Variants in HERC2 observed in about 807,000 individuals in gnomAD.
HERC2 encodes the protein E3 ubiquitin-protein ligase HERC2.
HERC2 carries 102 observed loss-of-function variants against 537.7 expected under a neutral mutation model. That is an observed-to-expected ratio of 0.19 (90% CI 0.16 to 0.22). HERC2 has a LOEUF of 0.22. HERC2 is among the 10% of genes least tolerant of loss of function. The pLI is 1.00. For synonymous variants in HERC2, 2,224 were observed against 2,466.2 expected, an observed-to-expected ratio of 0.90 and a Z score of 2.91; for missense variants, 4,236 against 6,198.2, an observed-to-expected ratio of 0.68 and a Z score of 10.63.
At chr15:28,276,261 A>G (rs1280729383) in intron 5 of HERC2, among the ~76,000 whole-genome samples, 1 of 152,070 alleles carries the variant, frequency 6.6e-6, no homozygotes, top group African/African-American at 2.4e-5. Context: ...AATATGTAAT[A>G]AAAATGGCAA....
Position 28,113,585 on chromosome 15 carries a change from T to C in HERC2, c.14007A>G (p.Glu4669=). The C allele has an allele frequency of 6.2e-7, 1 of 1,613,986 alleles. No homozygotes were observed. The highest frequency in any genetic ancestry group is 8.5e-7 in the Non-Finnish European group (1 of 1,179,954). ...GGGGTCGGCATACCATCGTCTCCAG[T>C]TCGTAGCCGGTGAACAGAGAGAGGA... The part of the protein sequence containing the change: ...VPLLSLFTGY[E]LETMVCGSPD... The change falls in exon 91 of 93, where the codon GAA becomes GAG. Residue 4669 remains glutamate, a synonymous_variant. Transcript: ENST00000261609. This position sits in a 1 kb window ranked among gnomAD's most constrained non-coding sequence, Gnocchi z 7.0.
rs75108944 is a variant in HERC2 at position 28,127,318 on chromosome 15, C to A, written c.12803-2125G>T. On this transcript the variant is annotated intron_variant, in intron 83 of 92. Coordinates refer to ENST00000261609, the MANE Select transcript of HERC2 (RefSeq NM_004667.6). ...TAGCTCCGAGGGGAGTCAGCCAAGACCCCCACATGCAAGGGGAGGAGCCAC... is the reference window on the plus strand; with the variant it reads ...TAGCTCCGAGGGGAGTCAGCCAAGAACCCCACATGCAAGGGGAGGAGCCAC... Among the ~76,000 whole-genome samples, 33 of 152,298 alleles carry A rather than the reference C, an allele frequency of 2.2e-4. No individual in the cohort carries two copies. The East Asian group carries it at 5.0e-3, about 23-fold the overall frequency.
chr15:28,163,644 C>T (rs539507737), intron 68 of HERC2, among the ~76,000 whole-genome samples: 8 of 152,250 alleles, frequency 5.3e-5, no homozygotes, highest in Admixed American at 3.3e-4. Context: ...CCATAAGATA[C>T]GCTAGGGAAT....
rs1566964805 is a variant in HERC2 at position 28,168,450 on chromosome 15, A to G, written c.10370T>C (p.Ile3457Thr). The change falls in exon 67 of 93, where the codon ATC (isoleucine) becomes ACC (threonine). Residue 3457 changes from isoleucine to threonine, a missense_variant. Coordinates refer to ENST00000261609, the MANE Select transcript of HERC2 (RefSeq NM_004667.6). Reference protein sequence around the residue: ...NGEECMLAVDIEDRLSPNPWQ... With the variant: ...NGEECMLAVDTEDRLSPNPWQ... Reference sequence around the variant, plus strand: ...TGGATTTGGACTCAGTCTGTCTTCGATATCAACAGCCAGCATGCATTCTTC... The same window carrying G: ...TGGATTTGGACTCAGTCTGTCTTCGGTATCAACAGCCAGCATGCATTCTTC... 4 of 1,614,196 alleles carry G rather than the reference A, an allele frequency of 2.5e-6. No homozygotes were observed. Among genetic ancestry groups the G allele is most frequent in the South Asian group, 2.2e-5 (2 of 91,088 alleles).
chr15:28,135,759 A>G lies in HERC2; in HGVS notation c.12016-67T>C. The stretch of plus-strand genomic sequence containing the variant: ...CAATATCCCCTAAATTTACTAATTC[A>G]TAAACCTAATCCATGCTTTAGACAT... On this transcript the variant is annotated intron_variant, in intron 78 of 92. Coordinates refer to ENST00000261609, the MANE Select transcript of HERC2 (RefSeq NM_004667.6). The G allele has an allele frequency of 5.2e-6, 6 of 1,151,054 alleles. No individual in the cohort carries two copies. The South Asian group carries it at 7.9e-5, about 15-fold the overall frequency. The allele number at this position is 1,151,054 out of a possible 1,614,324, so 71.3% of individuals were successfully genotyped here.
rs1887918432 is a variant in HERC2 at position 28,113,790 on chromosome 15, A to C, written c.13914-112T>G. ...GGCCGCACACGTCCCAGCTGGGAGA[A>C]CAGAGGGAGCAGCTCCAGATGGCAT... On this transcript the variant is annotated intron_variant, in intron 90 of 92. Coordinates refer to ENST00000261609, the MANE Select transcript of HERC2 (RefSeq NM_004667.6). This position sits in a 1 kb window ranked among gnomAD's most constrained non-coding sequence, Gnocchi z 7.0. The C allele has an allele frequency of 9.7e-6, 8 of 820,878 alleles. No homozygotes were observed. Among genetic ancestry groups the C allele is most frequent in the Non-Finnish European group, 1.6e-5 (8 of 493,090 alleles). The allele number at this position is 820,878 out of a possible 1,614,324, so 50.8% of individuals were successfully genotyped here. A position where few individuals can be genotyped will look rare whatever the true frequency, so the allele number is the denominator to read the frequency against.
chr15:28,268,548 G>C lies in HERC2; in HGVS notation c.1515C>G (p.His505Gln). The change falls in exon 12 of 93, where the codon CAC (histidine) becomes CAG (glutamine). Residue 505 changes from histidine (H) to glutamine (Q), a missense_variant. By Grantham distance (24) the His-to-Gln change is conservative. Around this residue, in one of 27 missense-constraint regions of HERC2, gnomAD observed 754 missense variants for 1,085.0 expected, o/e 0.69. Coordinates refer to ENST00000261609, the MANE Select transcript of HERC2 (RefSeq NM_004667.6). The surrounding 1 kb of genome is among the most constrained non-coding windows in gnomAD (Gnocchi z 4.7). ...IVKIAAHSDG[H>Q]HYLALAATGE... ...CAGTAGCAGCCAAGGCTAGGTAGTG[G>C]TGACCATCAGAATGGGCAGCAATTT... The C allele has an allele frequency of 6.2e-7, 1 of 1,614,136 alleles. No individual in the cohort carries two copies. The highest frequency in any genetic ancestry group is 8.5e-7 in the Non-Finnish European group (1 of 1,179,962).
At chr15:28,124,393 T>C (rs937444149) in intron 84 of HERC2, among the ~76,000 whole-genome samples, 159 bp from the exon 85 acceptor site, 4 of 152,212 alleles carry the variant, frequency 2.6e-5, no homozygotes, top group Admixed American at 6.5e-5. Flanking sequence ...GCTTTTAAAA[T>C]AATATTCTGT....
chr15:28,225,222 C>T (rs1199672372), intron 35 of HERC2, among the ~76,000 whole-genome samples: 3 of 150,986 alleles, frequency 2.0e-5, no homozygotes, highest in South Asian at 2.1e-4. Context: ...CACTGTACTT[C>T]GGCCTGAAGG....
At chr15:28,293,132 G>A (rs1417168649) in intron 3 of HERC2, 110 bp from the exon 4 acceptor site, 1 of 871,162 alleles carries the variant, frequency 1.1e-6, no homozygotes, top group African/African-American at 1.7e-5. Flanking sequence ...TTAACTGAAT[G>A]TTGGACAACG....
intron 48 of HERC2, among the ~76,000 whole-genome samples, chr15:28,200,648 T>C (rs1897817011): frequency 6.6e-6 from 1 of 152,216 alleles, no homozygotes; most frequent in South Asian, 2.1e-4. Context: ...ACAATCTTGG[T>C]TGTATCCAAG....
chr15:28,177,354 T>A lies in HERC2; in HGVS notation c.9254+65A>T. On this transcript the variant is annotated intron_variant, in intron 60 of 92. Coordinates refer to ENST00000261609, the MANE Select transcript of HERC2 (RefSeq NM_004667.6). This position sits in a 1 kb window ranked among gnomAD's most constrained non-coding sequence, Gnocchi z 5.0. ...TCTATTCTAATTTTCTGCAAAATAA[T>A]TCTCAAGAGTATCAGTCAGAAACAG... 6.7e-7 allele frequency: 1 copy of A among 1,492,436 alleles called. No individual in the cohort carries two copies. Among genetic ancestry groups the A allele is most frequent in the Non-Finnish European group, 9.3e-7 (1 of 1,072,706 alleles). The allele number at this position is 1,492,436 out of a possible 1,614,324, so 92.4% of individuals were successfully genotyped here.
chr15:28,147,163 T>G (rs1224721625), intron 70 of HERC2, among the ~76,000 whole-genome samples: 1 of 151,136 alleles, frequency 6.6e-6, no homozygotes, highest in Non-Finnish European at 1.5e-5. Context: ...ATGGTTGAAT[T>G]TGGAATATAT....
chr15:28,206,648 A>G (rs981651935), intron 44 of HERC2, among the ~76,000 whole-genome samples: 2 of 151,652 alleles, frequency 1.3e-5, no homozygotes, highest in Non-Finnish European at 2.9e-5. Flanking sequence ...CCTGGGTAAC[A>G]CGGTGAAACC....
chr15:28,247,985 G>A (rs1276892306), intron 21 of HERC2, among the ~76,000 whole-genome samples: 3 of 152,298 alleles, frequency 2.0e-5, no homozygotes, highest in Non-Finnish European at 2.9e-5. Context: ...CTGAAGAAGG[G>A]GAACCATTCC....
At chr15:28,289,527 C>T (rs1470427138) in intron 4 of HERC2, among the ~76,000 whole-genome samples, 2 of 152,166 alleles carry the variant, frequency 1.3e-5, no homozygotes, top group African/African-American at 4.8e-5. Flanking sequence ...CTCTTCATGC[C>T]TCCCCAGCAC....
At chr15:28,309,560 G>A (rs2076884327) in intron 2 of HERC2, among the ~76,000 whole-genome samples, 1 of 152,162 alleles carries the variant, frequency 6.6e-6, no homozygotes. Context: ...TCAATTTGAA[G>A]AAGCAAGCAG....
chr15:28,231,498 C>T lies in HERC2; in HGVS notation c.4676-998G>A, dbSNP rs528130997. ...GGGCACTGCCTGCGTATGTGACTGG[C>T]CCCCAACAAAATCTCTAGACTCGCT... is the stretch of plus-strand genomic sequence containing the variant. On this transcript the variant is annotated intron_variant, in intron 30 of 92. Transcript: ENST00000261609. Among the ~76,000 whole-genome samples, 11 of 152,244 alleles carry T rather than the reference C, an allele frequency of 7.2e-5. No homozygotes were observed. In the East Asian group the frequency reaches 2.1e-3, roughly 29 times the overall value.
intron 69 of HERC2, among the ~76,000 whole-genome samples, chr15:28,157,382 T>C (rs1468960782): frequency 1.3e-5 from 2 of 152,218 alleles, no homozygotes; most frequent in African/African-American, 2.4e-5. Context: ...CCTGGACTTT[T>C]TTTGGTTGGT....
Sources: gnomAD v4.1 joint callset for allele counts (sites outside exome capture counted in the v4.1 genomes callset) on GRCh38, gnomAD v4.1.1 for gene constraint, gnomAD v4.1.1 regional missense constraint, Gnocchi (gnomAD v3.1) non-coding constraint, MANE v1.5 for transcripts, NCBI Gene and HGNC (gene_info 2026-07-23, HGNC 2026-07-21) for gene names.